Variants in RAD51B observed in about 807,000 individuals in gnomAD.
RAD51B encodes RAD51 paralog B, also known as DNA repair protein RAD51 homolog 2.
A neutral mutation model predicts 42.2 loss-of-function variants in RAD51B; 38 were observed. The ratio of observed to expected loss-of-function variants is 0.90; its 90% confidence interval spans 0.70 to 1.18. RAD51B has a LOEUF of 1.18. Among genes scored for constraint, RAD51B ranks in the 50% most tolerant of loss-of-function variants. The pLI is 0.00. For missense variants in RAD51B, 373 were observed against 400.7 expected (o/e 0.93, Z 0.59); for synonymous variants, 154 against 145.2 (o/e 1.06, Z -0.43).
chr14:67,893,266 T>C (rs2043275407), intron 7 of RAD51B, among the ~76,000 whole-genome samples: 1 of 151,988 alleles, frequency 6.6e-6, no homozygotes, highest in Non-Finnish European at 1.5e-5. Context: ...ATTTGGGAAC[T>C]CTACCCTTTC....
chr14:68,613,656 G>A (rs569475792), downstream of RAD51B, among the ~76,000 whole-genome samples: 1,788 of 151,854 alleles, frequency 0.012, 27 homozygotes, highest in African/African-American at 0.035. Context: ...GGGTTTCACC[G>A]TGTTAGCCAG....
At chr14:68,422,093 T>G in intron 9 of RAD51B, 1 of 1,497,486 alleles carries the variant, frequency 6.7e-7, no homozygotes, top group Non-Finnish European at 9.3e-7. Flanking sequence ...AGCACGAAAA[T>G]TTTCTGCTGT....
At chr14:68,091,448 G>A (rs1490014816) in intron 7 of RAD51B, among the ~76,000 whole-genome samples, 8 of 152,124 alleles carry the variant, frequency 5.3e-5, no homozygotes, top group Non-Finnish European at 1.0e-4. Flanking sequence ...TTCTCTGATG[G>A]CCAATGATGA....
chr14:68,339,113 T>C (rs2082519965), intron 8 of RAD51B: 1 of 694,780 alleles, frequency 1.4e-6, no homozygotes, highest in Admixed American at 2.0e-5. Context: ...CCATGTTAAC[T>C]CCTGCTCGAA....
chr14:68,635,944 G>A (rs1892331668), intron 10 of RAD51B, among the ~76,000 whole-genome samples: 1 of 152,208 alleles, frequency 6.6e-6, no homozygotes, highest in Admixed American at 6.5e-5. Flanking sequence ...TCCCAGGGAG[G>A]AAAACACATA....
At chr14:67,899,046 T>C (rs2043517990) in intron 7 of RAD51B, among the ~76,000 whole-genome samples, 1 of 151,824 alleles carries the variant, frequency 6.6e-6, no homozygotes, top group South Asian at 2.1e-4. Context: ...TTTAGATTCT[T>C]TTTTTTCTTT....
chr14:68,186,072 G>A (rs760496878), intron 7 of RAD51B, among the ~76,000 whole-genome samples: 13 of 152,188 alleles, frequency 8.5e-5, no homozygotes, highest in Non-Finnish European at 1.6e-4. Context: ...ACCTACAGAT[G>A]TCTAATCTTC....
chr14:68,615,010 C>T (rs147002724), downstream of RAD51B, among the ~76,000 whole-genome samples: 133 of 152,250 alleles, frequency 8.7e-4, 1 homozygote, highest in African/African-American at 3.0e-3. Context: ...GTAGCTGGGA[C>T]TACAGCTGCA....
chr14:68,658,323 C>G (rs73287717), intron 11 of RAD51B, among the ~76,000 whole-genome samples: 5 of 152,222 alleles, frequency 3.3e-5, no homozygotes, highest in Non-Finnish European at 5.9e-5. Flanking sequence ...GGGCTCAGGA[C>G]ACTCAGCCCT....
intron 7 of RAD51B, among the ~76,000 whole-genome samples, chr14:68,221,868 G>A (rs187023197): frequency 1.4e-3 from 213 of 152,254 alleles, no homozygotes; most frequent in African/African-American, 4.9e-3. Flanking sequence ...CCATCAAAAA[G>A]TGGGCTAAGG....
chr14:67,908,025 G>T (rs938643504), intron 7 of RAD51B, among the ~76,000 whole-genome samples: 1 of 151,932 alleles, frequency 6.6e-6, no homozygotes, highest in Non-Finnish European at 1.5e-5. Context: ...CCATTTCCAG[G>T]CTTCTTTTTT....
intron 7 of RAD51B, among the ~76,000 whole-genome samples, chr14:68,242,077 C>T (rs574547615): frequency 6.6e-6 from 1 of 152,294 alleles, no homozygotes; most frequent in African/African-American, 2.4e-5. Flanking sequence ...TATCTGAGCC[C>T]CTTCCAGGCT....
chr14:68,404,033 A>G (rs898863312), intron 8 of RAD51B, among the ~76,000 whole-genome samples: 1 of 152,188 alleles, frequency 6.6e-6, no homozygotes, highest in African/African-American at 2.4e-5. Flanking sequence ...GTGGAGAATG[A>G]ATGTTCCCAC....
intron 10 of RAD51B, among the ~76,000 whole-genome samples, chr14:68,648,398 A>G (rs1336446620): frequency 6.8e-6 from 1 of 147,828 alleles, no homozygotes; most frequent in Non-Finnish European, 1.5e-5. Flanking sequence ...TCATCCTTTA[A>G]ACTTTTAATT....
intron 3 of RAD51B, among the ~76,000 whole-genome samples, 158 bp downstream of exon 3, chr14:67,825,735 A>C (rs1368541297): frequency 6.6e-6 from 1 of 152,062 alleles, no homozygotes. Flanking sequence ...AATACATGTG[A>C]AAATTTTTTT....
At chr14:68,138,039 C>T (rs879047409) in intron 7 of RAD51B, among the ~76,000 whole-genome samples, 1 of 152,140 alleles carries the variant, frequency 6.6e-6, no homozygotes, top group Admixed American at 6.6e-5. Context: ...TTGAGCTTGC[C>T]TTGCTCATCC....
At chr14:68,650,189 G>A (rs974339121) in intron 10 of RAD51B, among the ~76,000 whole-genome samples, 4 of 152,096 alleles carry the variant, frequency 2.6e-5, no homozygotes, top group African/African-American at 9.7e-5. Context: ...AAGGACCTCT[G>A]CACCCTCTTG....
chr14:67,936,083 T>C (rs2044933768), intron 7 of RAD51B, among the ~76,000 whole-genome samples: 1 of 152,226 alleles, frequency 6.6e-6, no homozygotes, highest in Admixed American at 6.5e-5. Flanking sequence ...TTAACAGCTT[T>C]TTGAGATATA....
At chr14:68,254,497 C>T (rs188032231) in intron 7 of RAD51B, among the ~76,000 whole-genome samples, 2 of 152,282 alleles carry the variant, frequency 1.3e-5, no homozygotes, top group East Asian at 3.9e-4. Context: ...CTTTAAACCA[C>T]AGATCAGATA....
Sources: allele counts gnomAD v4.1 joint callset (sites outside exome capture counted in the v4.1 genomes callset), GRCh38; gene constraint gnomAD v4.1.1; transcripts MANE v1.5; gene names NCBI Gene and HGNC (gene_info 2026-07-23, HGNC 2026-07-21).